Variants in MS4A4A observed in about 807,000 individuals in gnomAD.
MS4A4A encodes membrane-spanning 4-domains subfamily A member 4A.
A neutral mutation model predicts 28.0 loss-of-function variants in MS4A4A; 26 were observed. The ratio of observed to expected loss-of-function variants is 0.93; its 90% CI spans 0.68 to 1.29. The LOEUF is 1.29. Ranked by LOEUF, MS4A4A falls within the 50% of genes most tolerant of loss-of-function variation. The probability of loss-of-function intolerance (pLI) is 0.00; values close to 1 mark genes in which losing one functional copy is unlikely to be tolerated. For synonymous variants in MS4A4A, 86 were observed against 100.8 expected (o/e 0.85, Z 0.88); for missense variants, 290 against 293.1 (o/e 0.99, Z 0.08).
chr11:60,300,859 A>T, intron 3 of MS4A4A, 142 bp from the exon 4 acceptor site: 1 of 574,260 alleles, frequency 1.7e-6, no homozygotes, highest in Non-Finnish European at 3.0e-6. Flanking sequence ...GAAAAGGGAA[A>T]ATAATGTGCA....
In MS4A4A at chr11:60,308,187, A is replaced by G. The variant is rs1565150458; in HGVS notation, c.*9A>G. ...CACTTAATGAGGTTTGAGGCCACCAAAAGATCAACAGACAAATGCTCCAGA... is the reference window on the plus strand; with the variant it reads ...CACTTAATGAGGTTTGAGGCCACCAGAAGATCAACAGACAAATGCTCCAGA... On this transcript the variant is annotated 3_prime_UTR_variant, in exon 7 of 7. Transcript: ENST00000337908. 1 of 1,612,312 alleles carries G rather than the reference A, an allele frequency of 6.2e-7. No individual in the cohort carries two copies. Among genetic ancestry groups the G allele is most frequent in the Admixed American group, 1.7e-5 (1 of 60,014 alleles).
chr11:60,292,228 C>G lies in MS4A4A; in HGVS notation c.45C>G (p.Thr15=). Residue 15 remains threonine (T), a synonymous_variant, in exon 2 of 7, where the codon ACC becomes ACG. Transcript: ENST00000337908. ...TAAATTACATTTCTTATTGTAGCAC[C>G]TTTTCTGCTGCCATGACAACCATGC... The part of the protein sequence containing the change: ...YSRHCRPEES[T]FSAAMTTMQG... The G allele has an allele frequency of 1.9e-6, 3 of 1,544,950 alleles. No individual in the cohort carries two copies. Among genetic ancestry groups the G allele is most frequent in the Non-Finnish European group, 2.6e-6 (3 of 1,151,542 alleles).
At chr11:60,301,576 T>C (rs1161634978) in intron 4 of MS4A4A, among the ~76,000 whole-genome samples, 2 of 152,212 alleles carry the variant, frequency 1.3e-5, no homozygotes, top group African/African-American at 2.4e-5. Flanking sequence ...TCTGAATAAA[T>C]GTTTTTTTCT....
intron 3 of MS4A4A, among the ~76,000 whole-genome samples, chr11:60,297,589 A>C (rs1447791884): frequency 6.6e-6 from 1 of 152,214 alleles, no homozygotes; most frequent in African/African-American, 2.4e-5. Context: ...GAATGGCTTA[A>C]ACATTGGAAG....
At chr11:60,295,416 A>G (rs1275933603) in intron 2 of MS4A4A, among the ~76,000 whole-genome samples, 2 of 152,084 alleles carry the variant, frequency 1.3e-5, no homozygotes, top group Non-Finnish European at 2.9e-5. Context: ...TTTTCTACAC[A>G]GACATCATGT....
At chr11:60,300,914 C>A in intron 3 of MS4A4A, 87 bp from the exon 4 acceptor site, 1 of 909,518 alleles carries the variant, frequency 1.1e-6, no homozygotes, top group Non-Finnish European at 1.7e-6. Context: ...ATTAACATAT[C>A]TATCTAATTT....
At chr11:60,294,674 T>A (rs1461383559) in intron 2 of MS4A4A, among the ~76,000 whole-genome samples, 1 of 152,104 alleles carries the variant, frequency 6.6e-6, no homozygotes, top group East Asian at 1.9e-4. Context: ...CTTATGGATA[T>A]CAAGTTTTAA....
rs893078707 is a variant in MS4A4A, at chr11:60,283,155, C to T, written c.41+2439C>T. ...TTGCCCAGGCTGGAGTACCCTGATG[C>T]CATTGTGGCTTACTGCAGCCTGGGC... On this transcript the variant is annotated intron_variant, in intron 1 of 6. Coordinates refer to ENST00000337908, the MANE Select transcript of MS4A4A (RefSeq NM_148975.3). Among the ~76,000 whole-genome samples the T allele has an allele frequency of 2.6e-5, 4 of 152,092 alleles. No individual in the cohort carries two copies. In the East Asian group the frequency reaches 7.7e-4, roughly 29 times the overall value.
chr11:60,282,319 A>C (rs2084761608), intron 1 of MS4A4A, among the ~76,000 whole-genome samples: 1 of 152,230 alleles, frequency 6.6e-6, no homozygotes, highest in Non-Finnish European at 1.5e-5. Flanking sequence ...ATTGAGGCAG[A>C]GGTTCTTTTA....
chr11:60,289,411 A>C (rs1003067926), intron 1 of MS4A4A, among the ~76,000 whole-genome samples: 3 of 152,102 alleles, frequency 2.0e-5, no homozygotes, highest in Admixed American at 6.5e-5. Context: ...GATTGTCCTA[A>C]CTGGGGGAAG....
Position 60,307,814 on chromosome 11 carries a change from T to C in MS4A4A, c.649-293T>C, listed in dbSNP as rs189460791. On this transcript the variant is annotated intron_variant, in intron 6 of 6. Coordinates refer to ENST00000337908, the MANE Select transcript of MS4A4A (RefSeq NM_148975.3). ...TGGAAGAAGAGCCCCATATTTTTCATAACACCTTGGTTTACCCAACGTACT... is the reference window on the plus strand; with the variant it reads ...TGGAAGAAGAGCCCCATATTTTTCACAACACCTTGGTTTACCCAACGTACT... Among the ~76,000 whole-genome samples, 804 of 152,326 alleles carry C rather than the reference T, an allele frequency of 5.3e-3. 3 individuals are homozygous for C. The highest frequency in any genetic ancestry group is 8.5e-3 in the Non-Finnish European group (578 of 68,032).
chr11:60,300,933 GT>G (rs1469657513), intron 3 of MS4A4A, 67 bp from the exon 4 acceptor site: 4 of 1,141,350 alleles, frequency 3.5e-6, no homozygotes, highest in Non-Finnish European at 5.0e-6. Flanking sequence ...TTAGAATTAA[GT>G]TTAGTAAGTT....
In MS4A4A at chr11:60,301,492, TAAG is replaced by T. The variant is rs558743245; in HGVS notation, c.387+439_387+441del. Among the ~76,000 whole-genome samples, 556 of 152,346 alleles carry T rather than the reference TAAG, an allele frequency of 3.6e-3. 3 individuals are homozygous for T. The highest frequency in any genetic ancestry group is 0.013 in the African/African-American group (546 of 41,574). On this transcript the variant is annotated intron_variant, in intron 4 of 6. Transcript: ENST00000337908. ...AGAAATTCACAATAAGGTTATTACA[TAAG>T]AAGCAAATTTAAAATGTAATTCTCA... is the stretch of plus-strand genomic sequence containing the variant.
At chr11:60,305,403 T>A (rs1390363638) in intron 5 of MS4A4A, among the ~76,000 whole-genome samples, 1 of 152,240 alleles carries the variant, frequency 6.6e-6, no homozygotes, top group Non-Finnish European at 1.5e-5. Flanking sequence ...TTCTGAAGGC[T>A]TAGGCAACAA....
At chr11:60,290,597 GTCTT>G (rs1369663978) in intron 1 of MS4A4A, among the ~76,000 whole-genome samples, 1 of 150,974 alleles carries the variant, frequency 6.6e-6, no homozygotes, top group African/African-American at 2.4e-5. Flanking sequence ...TATTATATTT[GTCTT>G]TCTTTTTTAA....
intron 3 of MS4A4A, among the ~76,000 whole-genome samples, chr11:60,300,610 C>A (rs1326204553): frequency 1.2e-5 from 1 of 86,926 alleles, no homozygotes; most frequent in African/African-American, 5.3e-5. Flanking sequence ...AGCGAGACTC[C>A]GTCTCAAAAA....
intron 2 of MS4A4A, chr11:60,296,957 G>T (rs1590757250): frequency 2.2e-6 from 1 of 448,920 alleles, no homozygotes; most frequent in African/African-American, 2.0e-5. Flanking sequence ...CTCTGGGCTG[G>T]TTCTGGCATA....
At position 60,307,151 on chromosome 11, in the gene MS4A4A, C is replaced by CA. The variant is rs1352755462; in HGVS notation, c.649-952dup. Among the ~76,000 whole-genome samples, 4 of 152,232 alleles carry CA rather than the reference C, an allele frequency of 2.6e-5. No homozygotes were observed. In the East Asian group the frequency reaches 7.7e-4, roughly 29 times the overall value. On this transcript the variant is annotated intron_variant, in intron 6 of 6. Transcript: ENST00000337908. Reference sequence around the variant, plus strand: ...CATTACCCAAAGGCCCACAGGCAGACAAAACCAACAGCCAAATAATAAAAT... The same window carrying CA: ...CATTACCCAAAGGCCCACAGGCAGACAAAAACCAACAGCCAAATAATAAAAT...
chr11:60,281,360 G>T (rs2084754032), intron 1 of MS4A4A, among the ~76,000 whole-genome samples: 1 of 152,158 alleles, frequency 6.6e-6, no homozygotes, highest in Non-Finnish European at 1.5e-5. Context: ...GTAAGTGGTC[G>T]TGGCCATTGT....
Sources: allele counts gnomAD v4.1 joint callset (sites outside exome capture counted in the v4.1 genomes callset), GRCh38; gene constraint gnomAD v4.1.1; transcripts MANE v1.5; gene names NCBI Gene and HGNC (gene_info 2026-07-23, HGNC 2026-07-21).